SLC9B1: variants seen among roughly 807,000 people sequenced by gnomAD.
The protein encoded by SLC9B1 is solute carrier family 9 member B1, also known as sodium/hydrogen exchanger 9B1.
A neutral mutation model predicts 51.7 loss-of-function variants in SLC9B1; 32 were observed. The observed-to-expected ratio is 0.62, with a 90% CI of 0.47 to 0.83. The LOEUF (loss-of-function observed/expected upper bound fraction) is 0.83, where lower values mean the gene tolerates loss of function less well. Ranked by LOEUF, SLC9B1 falls within the 40% of genes least tolerant of loss-of-function variation. The probability of loss-of-function intolerance (pLI) is 0.00; values close to 1 mark genes in which losing one functional copy is unlikely to be tolerated. For missense variants in SLC9B1, 406 were observed against 613.2 expected (o/e 0.66, Z 3.57); for synonymous variants, 145 against 212.7 (o/e 0.68, Z 2.77).
chr4:102,920,999 C>T (rs1487234522), intron 7 of SLC9B1, among the ~76,000 whole-genome samples: 4 of 152,206 alleles, frequency 2.6e-5, no homozygotes, highest in Non-Finnish European at 5.9e-5. Flanking sequence ...AGGATATTAT[C>T]CAGGAGAACT....
intron 9 of SLC9B1, among the ~76,000 whole-genome samples, chr4:102,910,097 G>A (rs1735267416): frequency 1.3e-5 from 2 of 152,222 alleles, no homozygotes; most frequent in South Asian, 4.1e-4. Flanking sequence ...TTACAGGCAT[G>A]AGCCACCGTC....
At chr4:102,987,827 A>G (rs898571186) in intron 3 of SLC9B1, among the ~76,000 whole-genome samples, 5 of 152,158 alleles carry the variant, frequency 3.3e-5, no homozygotes, top group African/African-American at 4.8e-5. Context: ...TCATTCCTGT[A>G]AGTTATGATT....
chr4:102,954,652 G>T (rs1737688753), intron 3 of SLC9B1, among the ~76,000 whole-genome samples: 1 of 151,972 alleles, frequency 6.6e-6, no homozygotes, highest in African/African-American at 2.4e-5. Flanking sequence ...AAAGACAAAT[G>T]AAAGATATTG....
chr4:102,985,550 T>A (rs1578401610), intron 3 of SLC9B1, among the ~76,000 whole-genome samples: 2 of 145,056 alleles, frequency 1.4e-5, no homozygotes, highest in East Asian at 4.0e-4. Flanking sequence ...TTTTTTTTTT[T>A]CTTCCTTCTT....
At chr4:102,919,334 A>G (rs561458723) in intron 7 of SLC9B1, among the ~76,000 whole-genome samples, 2 of 152,264 alleles carry the variant, frequency 1.3e-5, no homozygotes, top group East Asian at 3.9e-4. Flanking sequence ...ATTCCAAACC[A>G]TATTTTTGTG....
At chr4:103,002,657 AG>A (rs1253735171) in intron 1 of SLC9B1, among the ~76,000 whole-genome samples, 7 of 152,246 alleles carry the variant, frequency 4.6e-5, no homozygotes, top group African/African-American at 1.7e-4. Flanking sequence ...GTTTAGAAAT[AG>A]CCCATTGGAA....
chr4:102,903,951 A>G (rs1734905213), intron 11 of SLC9B1, among the ~76,000 whole-genome samples: 1 of 152,202 alleles, frequency 6.6e-6, no homozygotes, highest in South Asian at 2.1e-4. Flanking sequence ...ACCAAATAGA[A>G]TACAAATAAA....
chr4:103,018,674 A>T (rs950408358), intron 1 of SLC9B1, among the ~76,000 whole-genome samples: 4 of 152,114 alleles, frequency 2.6e-5, no homozygotes, highest in African/African-American at 9.6e-5. Flanking sequence ...AGGGGGAGTG[A>T]GGGACCTGGT....
downstream of SLC9B1, chr4:102,900,789 T>C (rs1734748270): frequency 3.1e-6 from 1 of 326,446 alleles, no homozygotes; most frequent in African/African-American, 2.2e-5. Context: ...TTTTTCTTTC[T>C]GCCATTAAGT....
chr4:102,925,173 A>G (rs1295475687), intron 7 of SLC9B1, among the ~76,000 whole-genome samples: 2 of 152,244 alleles, frequency 1.3e-5, no homozygotes, highest in African/African-American at 2.4e-5. Context: ...CATCAATGAT[A>G]GACTGGATTA....
rs74329444 is a variant in SLC9B1, at chr4:102,986,546, G to A, written c.211+3254C>T. Among the ~76,000 whole-genome samples, 32 of 152,132 alleles carry A rather than the reference G, an allele frequency of 2.1e-4. 1 individual carries two copies. In the East Asian group the frequency reaches 6.2e-3, roughly 29 times the overall value. On this transcript the variant is annotated intron_variant, in intron 3 of 11. Coordinates refer to ENST00000296422, the MANE Select transcript of SLC9B1 (RefSeq NM_139173.4). ...TTTGTGGAAATTCCTAGTCATTATG[G>A]CTTCAATTATGTCTTCTATTCCTTT...
intron 3 of SLC9B1, among the ~76,000 whole-genome samples, chr4:102,984,002 A>G (rs1304376979): frequency 6.6e-6 from 1 of 151,648 alleles, no homozygotes; most frequent in African/African-American, 2.4e-5. Context: ...CTTTTTTTCT[A>G]TTAAGAAATA....
intron 3 of SLC9B1, among the ~76,000 whole-genome samples, chr4:102,971,580 T>A (rs376591176): frequency 1.3e-5 from 2 of 152,092 alleles, no homozygotes; most frequent in East Asian, 3.9e-4. Context: ...TGAAAAGAAC[T>A]AGAGAAGCAA....
rs1363978087 is a variant in SLC9B1 at position 102,901,352 on chromosome 4, T to C, written c.1333-20A>G. ...CACAGCCTGCATTTAGGGGTAAAAA[T>C]GGGGCATAAAGAAAAATATTAAACT... On this transcript the variant is annotated intron_variant, in intron 11 of 11. Coordinates refer to ENST00000296422, the MANE Select transcript of SLC9B1 (RefSeq NM_139173.4). The C allele has an allele frequency of 6.2e-7, 1 of 1,610,918 alleles. No homozygotes were observed. The highest frequency in any genetic ancestry group is 1.1e-5 in the South Asian group (1 of 90,774).
intron 7 of SLC9B1, among the ~76,000 whole-genome samples, chr4:102,918,021 T>C (rs1735669105): frequency 7.4e-6 from 1 of 135,570 alleles, no homozygotes; most frequent in Non-Finnish European, 1.5e-5. Context: ...TGAGCTGAGA[T>C]CGTGCCACTG....
intron 1 of SLC9B1, among the ~76,000 whole-genome samples, chr4:103,017,973 C>T (rs1298435170): frequency 6.6e-6 from 1 of 152,212 alleles, no homozygotes; most frequent in East Asian, 1.9e-4. Flanking sequence ...AGACTAAGCT[C>T]TGGATCCAGG....
intron 7 of SLC9B1, among the ~76,000 whole-genome samples, chr4:102,931,159 G>C (rs1377460974): frequency 2.0e-5 from 3 of 151,200 alleles, no homozygotes; most frequent in Admixed American, 1.3e-4. Context: ...CCGGGAGGCA[G>C]AGCATGCAGT....
chr4:102,977,312 A>C (rs1401119134), intron 3 of SLC9B1, among the ~76,000 whole-genome samples: 2 of 149,694 alleles, frequency 1.3e-5, no homozygotes, highest in Non-Finnish European at 3.0e-5. Context: ...AAAAAAAAAA[A>C]AAAACAGAAA....
intron 3 of SLC9B1, among the ~76,000 whole-genome samples, chr4:102,963,948 A>G (rs1738281100): frequency 6.6e-6 from 1 of 152,160 alleles, no homozygotes. Flanking sequence ...GTATGAAATA[A>G]AAAGGTCACA....
Sources: allele counts gnomAD v4.1 joint callset (sites outside exome capture counted in the v4.1 genomes callset), GRCh38; gene constraint gnomAD v4.1.1; transcripts MANE v1.5; gene names NCBI Gene and HGNC (gene_info 2026-07-23, HGNC 2026-07-21).